Variants in EPB41L4A observed in about 807,000 individuals in gnomAD.
EPB41L4A encodes the protein erythrocyte membrane protein band 4.1 like 4A.
Under a neutral mutation model 108.6 loss-of-function variants are expected in EPB41L4A, and 100 were observed. The ratio of observed to expected loss-of-function variants is 0.92; its 90% CI spans 0.78 to 1.09. The LOEUF (loss-of-function observed/expected upper bound fraction) is 1.09, where lower values mean the gene tolerates loss of function less well. EPB41L4A is among the 50% of genes least tolerant of loss of function. The pLI, the probability that EPB41L4A is intolerant of heterozygous loss-of-function variation, is 0.00. For synonymous variants in EPB41L4A, 319 were observed against 289.0 expected, an observed-to-expected ratio of 1.10 and a Z score of -1.05; for missense variants, 1,030 against 842.7, an observed-to-expected ratio of 1.22 and a Z score of -2.75.
At chr5:112,281,440 G>A (rs1752959635) in intron 2 of EPB41L4A, among the ~76,000 whole-genome samples, 1 of 152,210 alleles carries the variant, frequency 6.6e-6, no homozygotes, top group African/African-American at 2.4e-5. Context: ...GAGGGCACTG[G>A]AGTTCCCACA....
chr5:112,260,565 C>G (rs569594696), intron 7 of EPB41L4A, among the ~76,000 whole-genome samples: 1 of 152,304 alleles, frequency 6.6e-6, no homozygotes, highest in Non-Finnish European at 1.5e-5. Flanking sequence ...AGCAGACACA[C>G]ACTTGAATTT....
At chr5:112,207,237 A>G (rs1233411867) in intron 13 of EPB41L4A, among the ~76,000 whole-genome samples, 1 of 152,196 alleles carries the variant, frequency 6.6e-6, no homozygotes, top group Non-Finnish European at 1.5e-5. Flanking sequence ...CAGAAGAGTG[A>G]AACTGGACCT....
chr5:112,204,180 T>C (rs1208388329), intron 15 of EPB41L4A, among the ~76,000 whole-genome samples, 195 bp downstream of exon 15: 1 of 152,052 alleles, frequency 6.6e-6, no homozygotes. Context: ...TTTTATGAAA[T>C]TATTCTCTAA....
chr5:112,197,359 T>A (rs1252816499), intron 15 of EPB41L4A, among the ~76,000 whole-genome samples: 1 of 152,168 alleles, frequency 6.6e-6, no homozygotes, highest in Non-Finnish European at 1.5e-5. Context: ...TGGCTTACGT[T>A]ACTCCATTTC....
intron 1 of EPB41L4A, among the ~76,000 whole-genome samples, chr5:112,418,465 G>C (rs772976323): frequency 1.3e-5 from 2 of 152,102 alleles, no homozygotes; most frequent in Non-Finnish European, 2.9e-5. Flanking sequence ...ACCCAACTAC[G>C]AACCCACGCA....
chr5:112,322,221 C>T (rs1755827871), intron 1 of EPB41L4A, among the ~76,000 whole-genome samples: 1 of 152,174 alleles, frequency 6.6e-6, no homozygotes, highest in African/African-American at 2.4e-5. Context: ...GATAGCAATT[C>T]AAGGAAGAAG....
intron 1 of EPB41L4A, 86 bp downstream of exon 1, chr5:112,418,855 G>A (rs980406591): frequency 3.8e-6 from 4 of 1,056,936 alleles, no homozygotes; most frequent in East Asian, 2.5e-5. Flanking sequence ...CGCCGCCCTC[G>A]ACCCACCGGT....
chr5:112,309,884 G>A (rs1463599186), intron 1 of EPB41L4A, among the ~76,000 whole-genome samples: 1 of 152,192 alleles, frequency 6.6e-6, no homozygotes, highest in Admixed American at 6.5e-5. Flanking sequence ...ACAGCTTCAG[G>A]ACCTGAGGGG....
chr5:112,226,426 T>G (rs1230891888), intron 12 of EPB41L4A, among the ~76,000 whole-genome samples: 1 of 152,218 alleles, frequency 6.6e-6, no homozygotes, highest in Non-Finnish European at 1.5e-5. Flanking sequence ...CTTTTCTTTG[T>G]CTTCTCTGTT....
chr5:112,383,429 T>C (rs1025836422), intron 1 of EPB41L4A, among the ~76,000 whole-genome samples: 13 of 152,184 alleles, frequency 8.5e-5, no homozygotes, highest in East Asian at 7.7e-4. Context: ...CGTAAAACTG[T>C]ACTGAAAGAA....
Position 112,234,775 on chromosome 5 carries a change from G to C in EPB41L4A, c.966-20C>G. ...CTGCCACTTGAGAGTGCAACATTTT[G>C]ATTAGCAAAGGTAAAACCACACAGC... On this transcript the variant is annotated intron_variant, in intron 11 of 22. Coordinates refer to ENST00000261486, the MANE Select transcript of EPB41L4A (RefSeq NM_022140.5). 6.2e-7 allele frequency: 1 copy of C among 1,603,998 alleles called. No homozygotes were observed. Among genetic ancestry groups the C allele is most frequent in the Non-Finnish European group, 8.5e-7 (1 of 1,173,498 alleles).
chr5:112,177,037 G>A (rs534018863), intron 18 of EPB41L4A, among the ~76,000 whole-genome samples: 48 of 152,144 alleles, frequency 3.2e-4, no homozygotes, highest in Middle Eastern at 3.4e-3. Context: ...TTACAGGCAT[G>A]AGCCACCGTC....
chr5:112,270,185 T>C (rs1276885780), intron 4 of EPB41L4A, among the ~76,000 whole-genome samples: 2 of 152,134 alleles, frequency 1.3e-5, no homozygotes, highest in African/African-American at 4.8e-5. Context: ...AGAACAGTCA[T>C]GAATGCTTAC....
At chr5:112,161,858 A>T (rs964708502), downstream of EPB41L4A, 1 of 284,804 alleles carries the variant, frequency 3.5e-6, no homozygotes, top group Admixed American at 4.8e-5. Flanking sequence ...GTGAGTTTTA[A>T]TGTCAGTGGT....
chr5:112,416,286 C>G (rs986534950), intron 1 of EPB41L4A, among the ~76,000 whole-genome samples: 3 of 152,076 alleles, frequency 2.0e-5, no homozygotes, highest in African/African-American at 7.2e-5. Flanking sequence ...TTTCTTCCAC[C>G]TTAACTTGCT....
rs576070331 is a variant in EPB41L4A at position 112,188,588 on chromosome 5, A to G, written c.1503-4453T>C. Among the ~76,000 whole-genome samples, 157 of 152,230 alleles carry G rather than the reference A, an allele frequency of 1.0e-3. 1 individual carries two copies. The highest frequency in any genetic ancestry group is 3.7e-3 in the African/African-American group (152 of 41,544). On this transcript the variant is annotated intron_variant, in intron 17 of 22. Coordinates refer to ENST00000261486, the MANE Select transcript of EPB41L4A (RefSeq NM_022140.5). ...TGGAAGCCCTAAATCAACCATATCA[A>G]ATGTCTAAATCTTGATATATCCTAT... is the stretch of plus-strand genomic sequence containing the variant.
At chr5:112,419,800 T>TC (rs1561663437), upstream of EPB41L4A, 2 of 456,680 alleles carry the variant, frequency 4.4e-6, no homozygotes, top group South Asian at 3.1e-5. Flanking sequence ...GGGGTGTGGC[T>TC]CCCGTCCGGG....
intron 13 of EPB41L4A, chr5:112,207,141 A>G (rs937113962): frequency 6.6e-6 from 1 of 152,250 alleles, no homozygotes; most frequent in African/African-American, 2.4e-5. Flanking sequence ...TCATACACCT[A>G]CAACCATCTG....
intron 7 of EPB41L4A, among the ~76,000 whole-genome samples, chr5:112,261,898 T>C (rs1010177008): frequency 8.0e-5 from 12 of 150,172 alleles, no homozygotes; most frequent in Non-Finnish European, 1.5e-4. Context: ...TTTTTTTTTT[T>C]TTTTTTTTTG....
Sources: gnomAD v4.1 joint callset for allele counts (sites outside exome capture counted in the v4.1 genomes callset) on GRCh38, gnomAD v4.1.1 for gene constraint, MANE v1.5 for transcripts, NCBI Gene and HGNC (gene_info 2026-07-23, HGNC 2026-07-21) for gene names.